Variants in RB1CC1 observed in about 807,000 individuals in gnomAD.
RB1CC1 encodes RB1 inducible coiled-coil 1.
In RB1CC1, 46 loss-of-function variants were observed where a neutral mutation model predicts 177.5. That is an observed-to-expected ratio of 0.26 (90% confidence interval 0.20 to 0.33). RB1CC1 has a LOEUF of 0.33. Among genes scored for constraint, RB1CC1 ranks in the 10% least tolerant of loss-of-function variants. The pLI is 1.00. For synonymous variants in RB1CC1, 666 were observed against 613.6 expected, an observed-to-expected ratio of 1.09 and a Z score of -1.26; for missense variants, 1,703 against 1,816.3, an observed-to-expected ratio of 0.94 and a Z score of 1.13.
chr8:52,677,190 AAGAC>A (rs1250062990), intron 5 of RB1CC1, among the ~76,000 whole-genome samples: 1 of 152,232 alleles, frequency 6.6e-6, no homozygotes, highest in Non-Finnish European at 1.5e-5. Context: ...GCAAGGAAAT[AAGAC>A]AGATCATTCT....
intron 1 of RB1CC1, among the ~76,000 whole-genome samples, chr8:52,689,118 A>C (rs1854574461): frequency 6.6e-6 from 1 of 152,148 alleles, no homozygotes; most frequent in Non-Finnish European, 1.5e-5. Context: ...CTGAAACTCA[A>C]CAAATCCAAA....
At chr8:52,668,255 C>A in intron 7 of RB1CC1, 64 bp from the exon 8 acceptor site, 1 of 1,549,340 alleles carries the variant, frequency 6.5e-7, no homozygotes, top group Non-Finnish European at 8.8e-7. Flanking sequence ...GTATTTCATG[C>A]TATTCTGACA....
At chr8:52,706,201 C>T (rs1591151824) in intron 1 of RB1CC1, among the ~76,000 whole-genome samples, 1 of 151,700 alleles carries the variant, frequency 6.6e-6, no homozygotes, top group East Asian at 2.0e-4. Flanking sequence ...GAATTTGTTG[C>T]ACCAAAAGAG....
intron 18 of RB1CC1, among the ~76,000 whole-genome samples, chr8:52,637,644 T>C (rs1016335425): frequency 6.6e-6 from 1 of 152,196 alleles, no homozygotes; most frequent in East Asian, 1.9e-4. Context: ...TTTTCTTCCT[T>C]ACCAATCTAG....
intron 1 of RB1CC1, among the ~76,000 whole-genome samples, chr8:52,689,886 C>A (rs773981572): frequency 6.6e-6 from 1 of 151,974 alleles, no homozygotes; most frequent in Non-Finnish European, 1.5e-5. Flanking sequence ...GAGCTGGGAT[C>A]GTACCACTGC....
intron 22 of RB1CC1, among the ~76,000 whole-genome samples, chr8:52,626,357 C>T (rs895118473): frequency 6.6e-6 from 1 of 151,992 alleles, no homozygotes; most frequent in East Asian, 1.9e-4. Flanking sequence ...TTAATGTTTC[C>T]CAGATTTAAA....
chr8:52,676,624 C>A, intron 5 of RB1CC1, 53 bp from the exon 6 acceptor site: 1 of 1,492,184 alleles, frequency 6.7e-7, no homozygotes, highest in Non-Finnish European at 9.2e-7. Context: ...GGTTTGTTTG[C>A]AGAAGTTTGC....
intron 4 of RB1CC1, 45 bp from the exon 5 acceptor site, chr8:52,683,764 A>G (rs751648195): frequency 4.5e-6 from 7 of 1,561,584 alleles, no homozygotes; most frequent in Non-Finnish European, 6.1e-6. Flanking sequence ...AAAATGTTAT[A>G]AATACTGAGC....
intron 15 of RB1CC1, 52 bp from the exon 16 acceptor site, chr8:52,645,919 A>C: frequency 1.3e-6 from 2 of 1,481,894 alleles, no homozygotes; most frequent in Non-Finnish European, 1.8e-6. Context: ...AGACACACAA[A>C]TATACCAAAT....
At chr8:52,701,463 G>C (rs1466122434) in intron 1 of RB1CC1, among the ~76,000 whole-genome samples, 1 of 152,112 alleles carries the variant, frequency 6.6e-6, no homozygotes, top group African/African-American at 2.4e-5. Context: ...AATGGAAAAA[G>C]GAGTTTGATT....
intron 22 of RB1CC1, among the ~76,000 whole-genome samples, chr8:52,627,326 G>A (rs559337229): frequency 3.9e-5 from 6 of 152,222 alleles, no homozygotes; most frequent in East Asian, 3.9e-4. Context: ...CAGCCTAGGC[G>A]ACAGAGCAAG....
intron 15 of RB1CC1, among the ~76,000 whole-genome samples, chr8:52,648,525 G>C (rs1027215731): frequency 8.5e-5 from 13 of 152,196 alleles, no homozygotes; most frequent in African/African-American, 2.9e-4. Flanking sequence ...AGAGGGGAGG[G>C]AGGTCATGAA....
intron 22 of RB1CC1, among the ~76,000 whole-genome samples, chr8:52,625,429 T>C (rs1450700280): frequency 6.6e-6 from 1 of 152,120 alleles, no homozygotes; most frequent in Non-Finnish European, 1.5e-5. Context: ...AGCCAAAATG[T>C]GACAAGCCAA....
At chr8:52,645,981 A>G (rs1230883654) in intron 15 of RB1CC1, 114 bp from the exon 16 acceptor site, 2 of 1,032,726 alleles carry the variant, frequency 1.9e-6, no homozygotes, top group Non-Finnish European at 2.9e-6. Flanking sequence ...AGCATGAAAG[A>G]TATCTGTGTG....
intron 1 of RB1CC1, among the ~76,000 whole-genome samples, chr8:52,696,213 T>G (rs1309974235): frequency 6.6e-6 from 1 of 152,038 alleles, no homozygotes; most frequent in Admixed American, 6.6e-5. Context: ...CCCGGCTAAT[T>G]TTTGTATTTT....
chr8:52,664,895 T>C (rs1311259237), intron 8 of RB1CC1, among the ~76,000 whole-genome samples: 1 of 152,098 alleles, frequency 6.6e-6, no homozygotes, highest in Non-Finnish European at 1.5e-5. Flanking sequence ...TATAAAACCA[T>C]CCAATGTACC....
chr8:52,714,262 C>G lies in RB1CC1; in HGVS notation c.-354G>C, dbSNP rs1367438920. 1 of 202,772 alleles carries G rather than the reference C, an allele frequency of 4.9e-6. No homozygotes were observed. Among genetic ancestry groups the G allele is most frequent in the African/African-American group, 2.4e-5 (1 of 41,698 alleles). The allele number at this position is 202,772 out of a possible 1,614,324, so 12.6% of individuals were successfully genotyped here. A position where few individuals can be genotyped will look rare whatever the true frequency, so the allele number is the denominator to read the frequency against. ...CGAACTCTAGGAGGCAGGGAGGGGT[C>G]CGGGCGGACAAGGACGCGAGCAGGC... On this transcript the variant is annotated 5_prime_UTR_variant, in exon 1 of 24. Transcript: ENST00000025008.
At chr8:52,713,869 G>T (rs1857271422) in intron 1 of RB1CC1, among the ~76,000 whole-genome samples, 1 of 152,204 alleles carries the variant, frequency 6.6e-6, no homozygotes, top group Non-Finnish European at 1.5e-5. Flanking sequence ...GTCTCCACAG[G>T]GGCTGTCGCG....
At chr8:52,701,844 T>TCACC (rs1182329835) in intron 1 of RB1CC1, among the ~76,000 whole-genome samples, 1 of 151,876 alleles carries the variant, frequency 6.6e-6, no homozygotes, top group East Asian at 1.9e-4. Flanking sequence ...TCTCACTCTG[T>TCACC]CACCCAGGCT....
Sources: gnomAD v4.1 joint callset for allele counts (sites outside exome capture counted in the v4.1 genomes callset) on GRCh38, gnomAD v4.1.1 for gene constraint, MANE v1.5 for transcripts, NCBI Gene and HGNC (gene_info 2026-07-23, HGNC 2026-07-21) for gene names.